The following CPLX2 variants were observed in gnomAD, a reference collection of about 807,000 sequenced individuals.
The protein encoded by CPLX2 is complexin 2.
Under a neutral mutation model 16.3 loss-of-function variants are expected in CPLX2, and 5 were observed. The ratio of observed to expected loss-of-function variants is 0.31; its 90% CI spans 0.16 to 0.64. The LOEUF (loss-of-function observed/expected upper bound fraction) is 0.64, where lower values mean the gene tolerates loss of function less well. CPLX2 is among the 30% of genes least tolerant of loss of function. The pLI, the probability that CPLX2 is intolerant of heterozygous loss-of-function variation, is 0.79. For synonymous variants in CPLX2, 89 were observed against 73.2 expected (o/e 1.22, Z -1.10); for missense variants, 144 against 181.4 (o/e 0.79, Z 1.18).
intron 2 of CPLX2, among the ~76,000 whole-genome samples, chr5:175,821,787 T>C: frequency 6.6e-6 from 1 of 152,168 alleles, no homozygotes; most frequent in East Asian, 1.9e-4. Flanking sequence ...CCCTACCGGG[T>C]GCAGGCATAA....
At position 175,830,359 on chromosome 5, in the gene CPLX2, T is replaced by A. The variant is rs527684361; in HGVS notation, c.-89+21291T>A. Among the ~76,000 whole-genome samples the A allele has an allele frequency of 6.6e-6, 1 of 152,298 alleles. No homozygotes were observed. The highest frequency in any genetic ancestry group is 6.5e-5 in the Admixed American group (1 of 15,304). On this transcript the variant is annotated intron_variant, in intron 2 of 4. Coordinates refer to the CPLX2 transcript ENST00000359546. The surrounding 1 kb of genome is among the most constrained non-coding windows in gnomAD (Gnocchi z 4.0). ...CATTGATGCTCAGACATGAAGCAAC[T>A]TGCCCAGGGTTACACAGCCAGGGAG... is the stretch of plus-strand genomic sequence containing the variant.
upstream of CPLX2, among the ~76,000 whole-genome samples, chr5:175,869,385 A>G (rs538617411): frequency 6.6e-6 from 1 of 152,352 alleles, no homozygotes; most frequent in African/African-American, 2.4e-5. Context: ...TTCCAGAGAT[A>G]GAGAACCCAT....
intron 1 of CPLX2, among the ~76,000 whole-genome samples, chr5:175,800,699 C>T (rs1226542102): frequency 2.0e-5 from 3 of 152,278 alleles, no homozygotes; most frequent in East Asian, 1.9e-4. Context: ...TCCTTCAAGA[C>T]GCTTACTCAT....
chr5:175,861,029 G>A (rs1369009809), intron 2 of CPLX2, among the ~76,000 whole-genome samples: 2 of 151,816 alleles, frequency 1.3e-5, no homozygotes, highest in African/African-American at 4.8e-5. Flanking sequence ...AGAGGCAAGT[G>A]CAAGATTTAA....
chr5:175,808,143 AAGAGCTGCAGAG>A (rs1293154460), intron 1 of CPLX2, among the ~76,000 whole-genome samples: 1 of 152,180 alleles, frequency 6.6e-6, no homozygotes, highest in Non-Finnish European at 1.5e-5. Flanking sequence ...AGCAGAGAGC[AAGAGCTGCAGAG>A]AGAAGAGTTC....
At chr5:175,810,393 T>C (rs1327634631) in intron 2 of CPLX2, among the ~76,000 whole-genome samples, 1 of 152,176 alleles carries the variant, frequency 6.6e-6, no homozygotes, top group Non-Finnish European at 1.5e-5. Flanking sequence ...AGGTTTTGTC[T>C]CCAATGTCTT....
chr5:175,846,478 G>T (rs10076867), intron 2 of CPLX2, among the ~76,000 whole-genome samples: 56,223 of 152,044 alleles, frequency 0.37, 11,617 homozygotes, highest in Admixed American at 0.48. Flanking sequence ...GAATCTTCTA[G>T]GTTGAAAGAT....
chr5:175,867,358 C>A (rs558376099), upstream of CPLX2, among the ~76,000 whole-genome samples: 14 of 152,270 alleles, frequency 9.2e-5, no homozygotes, highest in African/African-American at 3.1e-4. Context: ...GATGGTTACA[C>A]AGGACTACAC....
intron 2 of CPLX2, among the ~76,000 whole-genome samples, chr5:175,831,104 G>A (rs1212981026): frequency 6.6e-6 from 1 of 152,084 alleles, no homozygotes; most frequent in Non-Finnish European, 1.5e-5. Flanking sequence ...TTGCCTCTGT[G>A]TGTGTGTGTG....
At position 175,830,228 on chromosome 5, in the gene CPLX2, G is replaced by A. The variant is rs973889204; in HGVS notation, c.-89+21160G>A. Among the ~76,000 whole-genome samples, 9 of 152,188 alleles carry A rather than the reference G, an allele frequency of 5.9e-5. No homozygotes were observed. The highest frequency in any genetic ancestry group is 5.8e-4 in the East Asian group (3 of 5,196). On this transcript the variant is annotated intron_variant, in intron 2 of 4. Transcript: ENST00000359546. The surrounding 1 kb of genome is among the most constrained non-coding windows in gnomAD (Gnocchi z 4.0). ...AGAGCTGCCCTGGTTCCCTGCCCCC[G>A]GGGGAGCACAGCCCAGCAAGAGGGA...
At chr5:175,870,312 G>C (rs925573197), upstream of CPLX2, among the ~76,000 whole-genome samples, 11 of 152,140 alleles carry the variant, frequency 7.2e-5, no homozygotes, top group African/African-American at 2.7e-4. Context: ...CTGACTGGTG[G>C]GGGGGTCTCC....
chr5:175,813,104 C>T (rs978938130), intron 2 of CPLX2, among the ~76,000 whole-genome samples: 6 of 152,096 alleles, frequency 3.9e-5, no homozygotes, highest in African/African-American at 1.2e-4. Flanking sequence ...GGCTGGCACA[C>T]GTGTGATTGA....
chr5:175,800,111 G>C (rs1758066631), intron 1 of CPLX2, among the ~76,000 whole-genome samples: 1 of 152,128 alleles, frequency 6.6e-6, no homozygotes, highest in Non-Finnish European at 1.5e-5. Context: ...TCAGGCTCTG[G>C]AAGGACTCAG....
chr5:175,806,094 T>C (rs1443972808), intron 1 of CPLX2, among the ~76,000 whole-genome samples: 2 of 152,132 alleles, frequency 1.3e-5, no homozygotes, highest in Non-Finnish European at 2.9e-5. Flanking sequence ...TGGAAGGATC[T>C]AGAGCGCAGA....
intron 1 of CPLX2, among the ~76,000 whole-genome samples, chr5:175,803,781 C>T (rs773768745): frequency 3.5e-4 from 53 of 152,342 alleles, no homozygotes; most frequent in Admixed American, 1.9e-3. Context: ...TCAGAGTGAT[C>T]CCCTGGGCCC....
chr5:175,849,245 T>C lies in CPLX2; in HGVS notation c.-88-29407T>C, dbSNP rs1438365174. On this transcript the variant is annotated intron_variant, in intron 2 of 4. Coordinates refer to the CPLX2 transcript ENST00000359546. The surrounding 1 kb of genome is among the most constrained non-coding windows in gnomAD (Gnocchi z 4.4). ...TTGGGTGGCACTGACCTGTCCATTG[T>C]CACCAGCCAGCAGCTCAAAGGGATG... 6.6e-6 allele frequency among the ~76,000 whole-genome samples: 1 copy of C among 152,174 alleles called. No homozygotes were observed. The highest frequency in any genetic ancestry group is 1.5e-5 in the Non-Finnish European group (1 of 68,018).
chr5:175,803,174 G>A (rs573505669), intron 1 of CPLX2, among the ~76,000 whole-genome samples: 4 of 152,202 alleles, frequency 2.6e-5, no homozygotes, highest in Non-Finnish European at 5.9e-5. Flanking sequence ...GTGGGTTAGG[G>A]TTATCATCCC....
At chr5:175,862,099 C>A (rs1229505652) in intron 2 of CPLX2, among the ~76,000 whole-genome samples, 1 of 152,192 alleles carries the variant, frequency 6.6e-6, no homozygotes, top group African/African-American at 2.4e-5. Context: ...TCAAGCAGTG[C>A]CCACTTCTCC....
At position 175,879,017 on chromosome 5, in the gene CPLX2, G is replaced by A. The variant is rs1755492192; in HGVS notation, c.141G>A (p.Glu47=). The A allele has an allele frequency of 1.3e-6, 2 of 1,595,774 alleles. No individual in the cohort carries two copies. The part of the protein sequence containing the change: ...RQEALRQQEE[E]RKAKHARMEA... ...AGGCGCTGCGGCAGCAGGAGGAGGA[G>A]CGTAAGGCCAAGCACGCGCGCATGG... Residue 47 remains glutamate (E), a synonymous_variant, in exon 3 of 4, where the codon GAG becomes GAA. Coordinates refer to ENST00000393745, the MANE Select transcript of CPLX2 (RefSeq NM_001008220.2).
Sources: gnomAD v4.1 joint callset for allele counts (sites outside exome capture counted in the v4.1 genomes callset) on GRCh38, gnomAD v4.1.1 for gene constraint, Gnocchi (gnomAD v3.1) non-coding constraint, MANE v1.5 for transcripts, NCBI Gene and HGNC (gene_info 2026-07-23, HGNC 2026-07-21) for gene names.